Variants in AMBRA1 observed in about 807,000 individuals in gnomAD.
AMBRA1 encodes the protein autophagy and beclin 1 regulator 1.
In AMBRA1, 47 loss-of-function variants were observed where a neutral mutation model predicts 125.4. The ratio of observed to expected loss-of-function variants is 0.37; its 90% CI spans 0.30 to 0.48. The LOEUF (loss-of-function observed/expected upper bound fraction) is 0.48, where lower values mean the gene tolerates loss of function less well. Among genes scored for constraint, AMBRA1 ranks in the 20% least tolerant of loss-of-function variants. The pLI is 0.99. For missense variants in AMBRA1, 1,331 were observed against 1,693.4 expected (o/e 0.79, Z 3.76); for synonymous variants, 626 against 655.5 (o/e 0.95, Z 0.69).
chr11:46,578,975 T>C (rs1334332820), intron 1 of AMBRA1, among the ~76,000 whole-genome samples: 5 of 113,236 alleles, frequency 4.4e-5, no homozygotes. Flanking sequence ...AATAAACAAG[T>C]GAATGAATAA....
rs555868048 is a variant in AMBRA1 at position 46,572,815 on chromosome 11, T to C, written c.-121+21013A>G. On this transcript the variant is annotated intron_variant, in intron 1 of 17. Coordinates refer to ENST00000683756, the MANE Select transcript of AMBRA1 (RefSeq NM_001387011.1). ...AGATTTAAAAATAAGTATTCTGAGC[T>C]GGGTATGGTGGCTCACGCCTGTAAT... Among the ~76,000 whole-genome samples the C allele has an allele frequency of 2.6e-5, 4 of 152,232 alleles. No homozygotes were observed. The East Asian group carries it at 7.7e-4, about 29-fold the overall frequency.
intron 11 of AMBRA1, among the ~76,000 whole-genome samples, chr11:46,490,642 T>C (rs1236586955): frequency 1.3e-5 from 2 of 152,126 alleles, no homozygotes; most frequent in African/African-American, 4.8e-5. Flanking sequence ...CAGGTGTGTG[T>C]CTGCTTTGTC....
intron 11 of AMBRA1, among the ~76,000 whole-genome samples, chr11:46,489,535 T>A (rs375805810): frequency 2.0e-5 from 3 of 152,210 alleles, no homozygotes; most frequent in Admixed American, 6.5e-5. Context: ...CTCAAGACAC[T>A]GGACCAGGCC....
At chr11:46,540,141 ATC>A (rs1394737422) in intron 7 of AMBRA1, among the ~76,000 whole-genome samples, 2 of 152,204 alleles carry the variant, frequency 1.3e-5, no homozygotes, top group African/African-American at 4.8e-5. Context: ...AGTAACTGGT[ATC>A]TCTAATTATC....
In AMBRA1 at chr11:46,400,187, C is replaced by T. The variant is rs572383456; in HGVS notation, c.3404-2244G>A. On this transcript the variant is annotated intron_variant, in intron 17 of 17. Transcript: ENST00000683756. ...AAGGCTCTGAGGCTGCGAGGGATGG[C>T]TCCACTGAACTGCTGATTTGTCTCC... 1.8e-4 allele frequency among the ~76,000 whole-genome samples: 27 copies of T among 152,278 alleles called. No homozygotes were observed. The South Asian group carries it at 2.1e-3, about 12-fold the overall frequency.
chr11:46,584,158 T>C (rs1306186685), intron 1 of AMBRA1, among the ~76,000 whole-genome samples: 3 of 137,026 alleles, frequency 2.2e-5, no homozygotes, highest in Admixed American at 1.5e-4. Flanking sequence ...ATTAAGAAAA[T>C]GTGGCACATA....
Position 46,547,176 on chromosome 11 carries a change from G to C in AMBRA1, c.315C>G (p.Pro105=), listed in dbSNP as rs751890255. ...CAGAAGCAATAAGGCCTGAGATGGT[G>C]GGATGAAAAGTGACACACCATGGAG... is the stretch of plus-strand genomic sequence containing the variant. ...RRTPWCVTFH[P]TISGLIASGC... The change falls in exon 4 of 18, where the codon CCC becomes CCG. Residue 105 remains proline, a synonymous_variant. Coordinates refer to ENST00000683756, the MANE Select transcript of AMBRA1 (RefSeq NM_001387011.1). 3 of 1,614,052 alleles carry C rather than the reference G, an allele frequency of 1.9e-6. No individual in the cohort carries two copies. Among genetic ancestry groups the C allele is most frequent in the Non-Finnish European group, 2.5e-6 (3 of 1,180,024 alleles).
intron 11 of AMBRA1, among the ~76,000 whole-genome samples, chr11:46,461,351 C>T (rs1219358650): frequency 6.6e-6 from 1 of 152,130 alleles, no homozygotes; most frequent in African/African-American, 2.4e-5. Flanking sequence ...GTTGTGGAAG[C>T]ACAAATGCAT....
At chr11:46,436,060 T>A (rs1947700136) in intron 12 of AMBRA1, among the ~76,000 whole-genome samples, 1 of 152,142 alleles carries the variant, frequency 6.6e-6, no homozygotes, top group Non-Finnish European at 1.5e-5. Context: ...TAGATATACC[T>A]CAAGCAAAAA....
intron 7 of AMBRA1, among the ~76,000 whole-genome samples, chr11:46,526,879 G>C (rs1951998600): frequency 6.6e-6 from 1 of 152,212 alleles, no homozygotes; most frequent in Admixed American, 6.5e-5. Flanking sequence ...TTAGAACTAA[G>C]TCCATGAGGT....
chr11:46,492,822 G>A (rs1950510472), intron 11 of AMBRA1, among the ~76,000 whole-genome samples: 1 of 152,220 alleles, frequency 6.6e-6, no homozygotes, highest in Admixed American at 6.5e-5. Flanking sequence ...GGCTGAGGCA[G>A]GCAGATCACG....
intron 13 of AMBRA1, among the ~76,000 whole-genome samples, chr11:46,434,029 C>T (rs955967894): frequency 2.0e-5 from 3 of 148,182 alleles, no homozygotes; most frequent in African/African-American, 5.0e-5. Context: ...GCAGGAGAAT[C>T]GCTTGAACCC....
At chr11:46,407,317 C>A (rs1004359780) in intron 17 of AMBRA1, among the ~76,000 whole-genome samples, 1 of 152,252 alleles carries the variant, frequency 6.6e-6, no homozygotes, top group African/African-American at 2.4e-5. Context: ...GAGAGGTTTG[C>A]CTCCTACTGA....
intron 1 of AMBRA1, among the ~76,000 whole-genome samples, chr11:46,573,525 G>C (rs1242009535): frequency 6.6e-6 from 1 of 151,946 alleles, no homozygotes; most frequent in Admixed American, 6.6e-5. Context: ...TTCAAACTTT[G>C]ACATAATTTC....
intron 1 of AMBRA1, among the ~76,000 whole-genome samples, chr11:46,574,539 T>C (rs2043885521): frequency 6.6e-6 from 1 of 152,042 alleles, no homozygotes; most frequent in Non-Finnish European, 1.5e-5. Flanking sequence ...TAAATTTGTT[T>C]GAGTTCATTG....
chr11:46,554,692 G>A (rs1015382447), intron 1 of AMBRA1, among the ~76,000 whole-genome samples: 7 of 152,190 alleles, frequency 4.6e-5, no homozygotes, highest in Non-Finnish European at 8.8e-5. Flanking sequence ...AACAAAGGGA[G>A]CTAAGTCAAA....
intron 11 of AMBRA1, among the ~76,000 whole-genome samples, chr11:46,475,912 AT>A (rs1324385077): frequency 1.3e-5 from 2 of 152,154 alleles, no homozygotes; most frequent in African/African-American, 4.8e-5. Flanking sequence ...GACTAAAATG[AT>A]TTTTTTCAGG....
At chr11:46,575,957 C>A (rs2043947869) in intron 1 of AMBRA1, among the ~76,000 whole-genome samples, 1 of 152,186 alleles carries the variant, frequency 6.6e-6, no homozygotes, top group East Asian at 1.9e-4. Context: ...GTTCCCATTT[C>A]TTCATGTATA....
chr11:46,420,032 G>A (rs1946773944), intron 14 of AMBRA1, among the ~76,000 whole-genome samples: 2 of 4,520 alleles, frequency 4.4e-4, no homozygotes, highest in African/African-American at 1.0e-3. Flanking sequence ...TCTTCCAGGT[G>A]TTGTGGTGCT....
Sources: allele counts gnomAD v4.1 joint callset (sites outside exome capture counted in the v4.1 genomes callset), GRCh38; gene constraint gnomAD v4.1.1; transcripts MANE v1.5; gene names NCBI Gene and HGNC (gene_info 2026-07-23, HGNC 2026-07-21).